IL1RAPL1: variants seen among roughly 807,000 people sequenced by gnomAD.
The protein encoded by IL1RAPL1 is interleukin 1 receptor accessory protein like 1, also known as interleukin-1 receptor accessory protein-like 1.
IL1RAPL1 carries 3 observed loss-of-function variants against 48.4 expected under a neutral mutation model. That is an observed-to-expected ratio of 0.06 (90% CI 0.03 to 0.16). The LOEUF is 0.16. Ranked by LOEUF, IL1RAPL1 falls within the 10% of genes least tolerant of loss-of-function variation. The probability of loss-of-function intolerance (pLI) is 1.00; values close to 1 mark genes in which losing one functional copy is unlikely to be tolerated. For synonymous variants in IL1RAPL1, 185 were observed against 187.7 expected, an observed-to-expected ratio of 0.99 and a Z score of 0.12; for missense variants, 349 against 530.6, an observed-to-expected ratio of 0.66 and a Z score of 3.36.
intron 2 of IL1RAPL1, among the ~76,000 whole-genome samples, chrX:29,119,265 C>G (rs1928734815): frequency 9.0e-6 from 1 of 110,927 alleles, no homozygotes; most frequent in Admixed American, 9.7e-5. Context: ...ATTCTATATT[C>G]TATAATTCTC....
intron 5 of IL1RAPL1, among the ~76,000 whole-genome samples, chrX:29,410,276 TGTG>T (rs940039030): frequency 9.1e-6 from 1 of 109,636 alleles, no homozygotes; most frequent in African/African-American, 3.3e-5. Context: ...TCCTGGCCAA[TGTG>T]GTGAAACCCC....
chrX:29,156,139 C>T (rs1045569393), intron 2 of IL1RAPL1, among the ~76,000 whole-genome samples: 1 of 111,493 alleles, frequency 9.0e-6, no homozygotes, highest in African/African-American at 3.3e-5. Flanking sequence ...TCCAAGGGCT[C>T]TTAGCTAGCA....
At chrX:29,284,016 C>G (rs926290183) in intron 3 of IL1RAPL1, among the ~76,000 whole-genome samples, 12 of 112,571 alleles carry the variant, frequency 1.1e-4, no homozygotes, top group Non-Finnish European at 2.1e-4. Context: ...AGAACATTAG[C>G]GAAGCTGGGT....
chrX:29,840,089 C>T (rs991131353), intron 6 of IL1RAPL1, among the ~76,000 whole-genome samples: 45 of 111,870 alleles, frequency 4.0e-4, no homozygotes, highest in African/African-American at 1.3e-3. Context: ...GAGGTCATAA[C>T]GGTTTAAAAT....
chrX:28,953,987 T>C lies in IL1RAPL1; in HGVS notation c.82+164562T>C, dbSNP rs1031156041. ...ATTACGTCAAGTGTAGTTTCACTAC[T>C]ACATTTAACTGATACTTTTAAAAAT... On this transcript the variant is annotated intron_variant, in intron 2 of 10. Coordinates refer to ENST00000378993, the MANE Select transcript of IL1RAPL1 (RefSeq NM_014271.4). Among the ~76,000 whole-genome samples, 108 of 111,587 alleles carry C rather than the reference T, an allele frequency of 9.7e-4. 2 individuals are homozygous for C. The highest frequency in any genetic ancestry group is 3.2e-3 in the African/African-American group (98 of 30,828).
chrX:28,636,911 G>GT (rs1221757725), intron 1 of IL1RAPL1, among the ~76,000 whole-genome samples: 7 of 111,357 alleles, frequency 6.3e-5, no homozygotes, highest in South Asian at 7.5e-4. Flanking sequence ...AAAATCAGAG[G>GT]TTTTTTTAAA....
chrX:28,625,737 C>CGTGTGTGTGTGTGT (rs112613600), intron 1 of IL1RAPL1, among the ~76,000 whole-genome samples: 2,651 of 99,257 alleles, frequency 0.027, 37 homozygotes, highest in Admixed American at 0.041. Context: ...AATCAAAATG[C>CGTGTGTGTGTGTGT]GTGTGTGTGT....
chrX:29,192,184 C>T (rs1473368157), intron 2 of IL1RAPL1, among the ~76,000 whole-genome samples: 1 of 112,095 alleles, frequency 8.9e-6, no homozygotes, highest in Non-Finnish European at 1.9e-5. Flanking sequence ...ACTCCAAAAG[C>T]TGTTTCAACT....
At chrX:28,681,499 T>TG (rs1935058786) in intron 1 of IL1RAPL1, among the ~76,000 whole-genome samples, 1 of 111,086 alleles carries the variant, frequency 9.0e-6, no homozygotes. Flanking sequence ...TTGTCAGGGT[T>TG]GGGGGGAAAG....
chrX:29,598,042 T>C (rs1602317686), intron 5 of IL1RAPL1, among the ~76,000 whole-genome samples: 2 of 112,212 alleles, frequency 1.8e-5, no homozygotes, highest in South Asian at 7.4e-4. Context: ...GCTCTGATCT[T>C]TATTGTTTCT....
intron 2 of IL1RAPL1, among the ~76,000 whole-genome samples, chrX:29,199,124 A>G (rs1164819723): frequency 8.9e-6 from 1 of 112,016 alleles, no homozygotes; most frequent in African/African-American, 3.2e-5. Context: ...GGTTAATTTG[A>G]CTGTTATTCA....
intron 6 of IL1RAPL1, among the ~76,000 whole-genome samples, chrX:29,883,170 C>T (rs1932064727): frequency 9.0e-6 from 1 of 111,321 alleles, no homozygotes; most frequent in African/African-American, 3.3e-5. Context: ...GTTCCTGTAA[C>T]ATTATATTCC....
At chrX:28,756,046 C>A (rs1391795022) in intron 1 of IL1RAPL1, among the ~76,000 whole-genome samples, 1 of 111,767 alleles carries the variant, frequency 8.9e-6, no homozygotes, top group African/African-American at 3.3e-5. Context: ...TCAGTATTTT[C>A]TATACAGCTT....
chrX:29,302,149 T>A (rs755806137), intron 3 of IL1RAPL1, among the ~76,000 whole-genome samples: 5 of 112,042 alleles, frequency 4.5e-5, no homozygotes, highest in Admixed American at 9.5e-5. Flanking sequence ...GGCCTAAATG[T>A]CGCAGAGAAA....
At chrX:29,801,825 A>C (rs1448919532) in intron 6 of IL1RAPL1, among the ~76,000 whole-genome samples, 1 of 110,898 alleles carries the variant, frequency 9.0e-6, no homozygotes, top group East Asian at 2.8e-4. Context: ...ATACAAAAGG[A>C]CTCTCTAGTT....
At chrX:29,552,880 G>T (rs893394049) in intron 5 of IL1RAPL1, among the ~76,000 whole-genome samples, 1 of 84,984 alleles carries the variant, frequency 1.2e-5, no homozygotes, top group Non-Finnish European at 2.2e-5. Context: ...ACTTTTCTTG[G>T]TTGTGTCAAG....
chrX:28,951,438 A>T (rs1406413464), intron 2 of IL1RAPL1, among the ~76,000 whole-genome samples: 3 of 109,389 alleles, frequency 2.7e-5, no homozygotes, highest in Non-Finnish European at 3.8e-5. Flanking sequence ...AAAATTGTCA[A>T]CTACACTTTT....
intron 3 of IL1RAPL1, among the ~76,000 whole-genome samples, chrX:29,322,036 C>T (rs943951471): frequency 9.1e-6 from 1 of 109,553 alleles, no homozygotes; most frequent in African/African-American, 3.3e-5. Flanking sequence ...TTTTCAATTA[C>T]ACTATGAAAA....
chrX:29,364,173 A>G (rs959136922), intron 3 of IL1RAPL1, among the ~76,000 whole-genome samples: 2 of 112,364 alleles, frequency 1.8e-5, no homozygotes, highest in Non-Finnish European at 3.8e-5. Context: ...GCATAAAAAT[A>G]AATTCTATTC....
Sources: allele counts gnomAD v4.1 joint callset (sites outside exome capture counted in the v4.1 genomes callset), GRCh38; gene constraint gnomAD v4.1.1; transcripts MANE v1.5; gene names NCBI Gene and HGNC (gene_info 2026-07-23, HGNC 2026-07-21).